The following ETF1 variants were observed in gnomAD, a reference collection of about 807,000 sequenced individuals.
ETF1 encodes the protein eukaryotic peptide chain release factor subunit 1.
In ETF1, 4 loss-of-function variants were observed where a neutral mutation model predicts 55.1. The ratio of observed to expected loss-of-function variants is 0.07; its 90% confidence interval spans 0.04 to 0.17. ETF1 has a LOEUF of 0.17. ETF1 is among the 10% of genes least tolerant of loss of function. The pLI is 1.00. For synonymous variants in ETF1, 157 were observed against 182.3 expected (o/e 0.86, Z 1.12); for missense variants, 142 against 523.6 (o/e 0.27, Z 7.11).
chr5:138,522,921 G>A (rs1765293975), intron 2 of ETF1, among the ~76,000 whole-genome samples: 2 of 152,122 alleles, frequency 1.3e-5, no homozygotes, highest in African/African-American at 4.8e-5. Flanking sequence ...CAGGAGAATG[G>A]TGTGAACCCG....
chr5:138,525,344 G>T (rs1765424109), intron 2 of ETF1, among the ~76,000 whole-genome samples: 1 of 151,746 alleles, frequency 6.6e-6, no homozygotes, highest in South Asian at 2.1e-4. Flanking sequence ...TTTTAGTAGA[G>T]ATAAGGTTTC....
At chr5:138,528,027 C>A (rs1765550064) in intron 2 of ETF1, among the ~76,000 whole-genome samples, 1 of 152,180 alleles carries the variant, frequency 6.6e-6, no homozygotes, top group African/African-American at 2.4e-5. Context: ...CCGCCTCAGC[C>A]TCCCAAAGTG....
At chr5:138,512,662 C>G (rs926553206) in intron 6 of ETF1, 102 bp downstream of exon 6, 28 of 1,099,618 alleles carry the variant, frequency 2.5e-5, no homozygotes, top group Middle Eastern at 6.0e-4. Flanking sequence ...AGTTTTTAAC[C>G]CAAGGAATTT....
At position 138,511,087 on chromosome 5, in the gene ETF1, G is replaced by A. The variant is rs746797723; in HGVS notation, c.976C>T (p.Leu326=). ...AVEILIVYEN[L]DIMRYVLHCQ... ...TGAAGAACATATCTCATTATATCCA[G>A]ATTTTCATAGACTATTAGAATTTCT... The change falls in exon 8 of 11, where the codon CTG becomes TTG. Residue 326 remains leucine (L), a synonymous_variant. Transcript: ENST00000360541. 1.9e-6 allele frequency: 3 copies of A among 1,613,972 alleles called. No homozygotes were observed. In the Admixed American group the frequency reaches 5.0e-5, roughly 27 times the overall value.
intron 2 of ETF1, among the ~76,000 whole-genome samples, chr5:138,535,064 C>T (rs1396471059): frequency 6.6e-6 from 1 of 151,226 alleles, no homozygotes; most frequent in Non-Finnish European, 1.5e-5. Context: ...GATTCTCTTG[C>T]CTCAGCCTCC....
At chr5:138,535,651 G>A (rs1398914602) in intron 2 of ETF1, among the ~76,000 whole-genome samples, 1 of 150,192 alleles carries the variant, frequency 6.7e-6, no homozygotes, top group African/African-American at 2.4e-5. Flanking sequence ...AACCTGGGAG[G>A]TGGAGGTTGC....
intron 2 of ETF1, among the ~76,000 whole-genome samples, chr5:138,520,423 TAA>T (rs2127087755): frequency 6.6e-6 from 1 of 152,324 alleles, no homozygotes; most frequent in African/African-American, 2.4e-5. Context: ...AAGCCCCCTT[TAA>T]ATTTCAACAC....
At chr5:138,519,017 T>C in intron 2 of ETF1, 150 bp from the exon 3 acceptor site, 2 of 1,451,012 alleles carry the variant, frequency 1.4e-6, no homozygotes, top group East Asian at 2.5e-5. Context: ...ATATTAGTCT[T>C]GTTTATGAAC....
At chr5:138,517,089 G>C (rs567082744) in intron 4 of ETF1, among the ~76,000 whole-genome samples, 18 of 152,304 alleles carry the variant, frequency 1.2e-4, no homozygotes, top group African/African-American at 4.3e-4. Flanking sequence ...AAAATGTCCA[G>C]GCTGGGCGGG....
intron 10 of ETF1, 46 bp from the exon 11 acceptor site, chr5:138,508,433 G>C: frequency 1.2e-6 from 2 of 1,610,050 alleles, no homozygotes; most frequent in Non-Finnish European, 1.7e-6. Context: ...TCATGGGATG[G>C]GCATGTGTGT....
At chr5:138,528,906 G>C (rs546435241) in intron 2 of ETF1, among the ~76,000 whole-genome samples, 8 of 152,056 alleles carry the variant, frequency 5.3e-5, no homozygotes, top group Non-Finnish European at 1.0e-4. Flanking sequence ...CAGGACTTTG[G>C]GAAGCCGAGA....
chr5:138,523,290 C>G (rs1765312805), intron 2 of ETF1, among the ~76,000 whole-genome samples: 1 of 152,148 alleles, frequency 6.6e-6, no homozygotes, highest in Admixed American at 6.5e-5. Flanking sequence ...TCGCTTGAAC[C>G]CGGGAGGCGG....
At chr5:138,511,680 C>A in intron 6 of ETF1, 76 bp from the exon 7 acceptor site, 1 of 1,481,358 alleles carries the variant, frequency 6.8e-7, no homozygotes, top group Non-Finnish European at 9.0e-7. Flanking sequence ...TTACTCAAAC[C>A]CACTAACTCT....
intron 3 of ETF1, 121 bp from the exon 4 acceptor site, chr5:138,517,821 G>C (rs2127081818): frequency 7.7e-7 from 1 of 1,306,426 alleles, no homozygotes; most frequent in East Asian, 2.8e-5. Flanking sequence ...TTTAAATAAA[G>C]CAGAAAAAGC....
At chr5:138,519,157 T>G (rs1053501444) in intron 2 of ETF1, 4 of 984,342 alleles carry the variant, frequency 4.1e-6, no homozygotes, top group Non-Finnish European at 4.8e-6. Context: ...AAAGAAGCTA[T>G]CTATGATAAA....
At chr5:138,508,999 G>A (rs754752750) in intron 9 of ETF1, 183 bp from the exon 10 acceptor site, 27 of 983,092 alleles carry the variant, frequency 2.7e-5, no homozygotes, top group African/African-American at 1.1e-4. Context: ...AGAGAAATTC[G>A]GATTATTTCA....
chr5:138,509,706 C>T (rs1220890851), intron 9 of ETF1, among the ~76,000 whole-genome samples: 18 of 151,686 alleles, frequency 1.2e-4, no homozygotes, highest in Non-Finnish European at 1.5e-5. Flanking sequence ...ACCAGCCTGG[C>T]CAACATGATG....
intron 2 of ETF1, among the ~76,000 whole-genome samples, chr5:138,540,318 TCA>T (rs1200774662): frequency 6.6e-6 from 1 of 152,166 alleles, no homozygotes; most frequent in African/African-American, 2.4e-5. Flanking sequence ...CCTGAAAACC[TCA>T]GTTTCCTCCT....
In ETF1 at chr5:138,508,833, G is replaced by A. The variant is rs772928617; in HGVS notation, c.1084-17C>T. On this transcript the variant is annotated splice_polypyrimidine_tract_variant and intron_variant, in intron 9 of 10. Transcript: ENST00000360541. ...CTGTCCGGTCTACAGGGATGACCAT[G>A]AGATACAAAAATGGGGGATTAGGAT... The A allele has an allele frequency of 6.2e-7, 1 of 1,608,780 alleles. No homozygotes were observed. Among genetic ancestry groups the A allele is most frequent in the South Asian group, 1.1e-5 (1 of 90,286 alleles).
Sources: allele counts gnomAD v4.1 joint callset (sites outside exome capture counted in the v4.1 genomes callset), GRCh38; gene constraint gnomAD v4.1.1; transcripts MANE v1.5; gene names NCBI Gene and HGNC (gene_info 2026-07-23, HGNC 2026-07-21).